EPHA10: variants seen among roughly 807,000 people sequenced by gnomAD.
EPHA10 encodes EPH receptor A10, also known as ephrin type-A receptor 10.
A neutral mutation model predicts 109.7 loss-of-function variants in EPHA10; 120 were observed. The ratio of observed to expected loss-of-function variants is 1.09; its 90% CI spans 0.94 to 1.27. The LOEUF is 1.27. Ranked by LOEUF, EPHA10 falls within the 50% of genes most tolerant of loss-of-function variation. The pLI is 0.00. For synonymous variants in EPHA10, 640 were observed against 618.9 expected (o/e 1.03, Z -0.51); for missense variants, 1,396 against 1,411.1 (o/e 0.99, Z 0.17).
intron 5 of EPHA10, among the ~76,000 whole-genome samples, chr1:37,742,827 C>T (rs916849597): frequency 2.6e-5 from 4 of 151,796 alleles, no homozygotes; most frequent in Non-Finnish European, 5.9e-5. Context: ...CTCTACAAAA[C>T]AATTTAAAAA....
At chr1:37,755,936 C>T (rs555792522) in intron 3 of EPHA10, among the ~76,000 whole-genome samples, 2 of 152,274 alleles carry the variant, frequency 1.3e-5, no homozygotes, top group African/African-American at 4.8e-5. Context: ...AGAAAGGGTG[C>T]AGACTAGCCC....
intron 3 of EPHA10, among the ~76,000 whole-genome samples, chr1:37,758,128 G>T (rs188821946): frequency 6.6e-6 from 1 of 152,144 alleles, no homozygotes; most frequent in Non-Finnish European, 1.5e-5. Flanking sequence ...AAACTATAGA[G>T]TATGTAAAAA....
chr1:37,764,882 C>G lies in EPHA10; in HGVS notation c.106+79G>C. 1 of 1,320,506 alleles carries G rather than the reference C, an allele frequency of 7.6e-7. No homozygotes were observed. Among genetic ancestry groups the G allele is most frequent in the Non-Finnish European group, 1.1e-6 (1 of 952,284 alleles). The allele number at this position is 1,320,506 out of a possible 1,614,324, so 81.8% of individuals were successfully genotyped here. A position where few individuals can be genotyped will look rare whatever the true frequency, so the allele number is the denominator to read the frequency against. ...ACAGACTCTAGTCTCTCCAATGACTCCTTCCCCCAGAACCCCCATCGCCAG... is the reference window on the plus strand; with the variant it reads ...ACAGACTCTAGTCTCTCCAATGACTGCTTCCCCCAGAACCCCCATCGCCAG... On this transcript the variant is annotated intron_variant, in intron 1 of 16. Coordinates refer to ENST00000373048, the MANE Select transcript of EPHA10 (RefSeq NM_001099439.2). The surrounding 1 kb of genome is among the most constrained non-coding windows in gnomAD (Gnocchi z 5.8).
chr1:37,731,697 A>G, intron 6 of EPHA10, 115 bp from the exon 7 acceptor site: 1 of 1,220,596 alleles, frequency 8.2e-7, no homozygotes. Flanking sequence ...ATGTGGGCTG[A>G]GTGCGAAAAC....
chr1:37,748,983 C>T (rs1457610346), intron 5 of EPHA10, among the ~76,000 whole-genome samples: 3 of 136,402 alleles, frequency 2.2e-5, no homozygotes, highest in African/African-American at 8.3e-5. Flanking sequence ...AGTGCAGTGG[C>T]ACGATCTCAG....
intron 6 of EPHA10, among the ~76,000 whole-genome samples, chr1:37,733,449 C>T (rs1646022092): frequency 6.6e-6 from 1 of 152,150 alleles, no homozygotes; most frequent in Admixed American, 6.5e-5. Context: ...GAACTCCTGG[C>T]CTCAAGCCGT....
Position 37,761,088 on chromosome 1 carries a change from TTA to T in EPHA10, c.850+315_850+316del, listed in dbSNP as rs1491337550. Reference sequence around the variant, plus strand: ...AACAGAGCAAGAGAGACTCCTTATTTTAAAAAAAAAAAAAAACAATGACTTCC... The same window carrying T: ...AACAGAGCAAGAGAGACTCCTTATTTAAAAAAAAAAAAAACAATGACTTCC... On this transcript the variant is annotated intron_variant, in intron 3 of 16. Transcript: ENST00000373048. The T allele has an allele frequency of 2.8e-3, 2,612 of 946,306 alleles. 2 individuals carry two copies. The highest frequency in any genetic ancestry group is 0.016 in the East Asian group (329 of 19,990). The allele number at this position is 946,306 out of a possible 1,614,324, so 58.6% of individuals were successfully genotyped here. A position where few individuals can be genotyped will look rare whatever the true frequency, so the allele number is the denominator to read the frequency against.
At chr1:37,758,225 C>G (rs1047387876) in intron 3 of EPHA10, among the ~76,000 whole-genome samples, 10 of 152,182 alleles carry the variant, frequency 6.6e-5, no homozygotes, top group African/African-American at 1.2e-4. Flanking sequence ...ATAAAATACT[C>G]CTGCCTCCTG....
At chr1:37,760,590 G>T in intron 3 of EPHA10, 1 of 318,548 alleles carries the variant, frequency 3.1e-6, no homozygotes, top group Non-Finnish European at 5.0e-6. Flanking sequence ...ATTCCTCTCT[G>T]TAATGCAACC....
At chr1:37,749,069 T>G (rs1236101923) in intron 5 of EPHA10, among the ~76,000 whole-genome samples, 2 of 151,736 alleles carry the variant, frequency 1.3e-5, no homozygotes, top group African/African-American at 2.4e-5. Context: ...ATTACAGGTG[T>G]GCACCACCAC....
intron 5 of EPHA10, among the ~76,000 whole-genome samples, chr1:37,749,717 T>C (rs565323773): frequency 4.3e-4 from 66 of 152,186 alleles, no homozygotes; most frequent in African/African-American, 1.3e-3. Flanking sequence ...AGATAAAAGT[T>C]AGTATTACAT....
chr1:37,722,614 T>C (rs72915998), intron 10 of EPHA10, among the ~76,000 whole-genome samples: 2 of 152,188 alleles, frequency 1.3e-5, no homozygotes, highest in Non-Finnish European at 2.9e-5. Context: ...GCAGATATCA[T>C]GCCCATTTCT....
At chr1:37,746,137 G>A (rs1018499047) in intron 5 of EPHA10, among the ~76,000 whole-genome samples, 4 of 112,548 alleles carry the variant, frequency 3.6e-5, no homozygotes, top group Non-Finnish European at 7.0e-5. Context: ...TTTCGCTCTT[G>A]TTGCCCATGT....
intron 8 of EPHA10, among the ~76,000 whole-genome samples, chr1:37,725,538 C>T (rs1031474777): frequency 7.3e-6 from 1 of 137,456 alleles, no homozygotes; most frequent in African/African-American, 2.8e-5. Flanking sequence ...AAAGAAGTAA[C>T]GAGGTGAAGC....
At chr1:37,739,678 G>A (rs1348662658) in intron 5 of EPHA10, among the ~76,000 whole-genome samples, 3 of 111,450 alleles carry the variant, frequency 2.7e-5, no homozygotes, top group Admixed American at 1.2e-4. Flanking sequence ...GATAGAGTGA[G>A]ACCCTGTCTC....
intron 14 of EPHA10, 69 bp downstream of exon 14, chr1:37,719,840 G>A: frequency 6.2e-7 from 1 of 1,611,112 alleles, no homozygotes; most frequent in Non-Finnish European, 8.5e-7. Context: ...CCAACGGGCA[G>A]AGGTCAGGAA....
intron 5 of EPHA10, among the ~76,000 whole-genome samples, chr1:37,736,391 A>G (rs1323581763): frequency 1.4e-5 from 2 of 146,860 alleles, no homozygotes; most frequent in South Asian, 2.2e-4. Flanking sequence ...GAAGAAGATC[A>G]GTTGAACCCG....
rs746947009 is a variant in EPHA10, at chr1:37,727,136, C to G, written c.1738G>C (p.Gly580Arg). The G allele has an allele frequency of 1.2e-6, 2 of 1,612,670 alleles. No homozygotes were observed. The highest frequency in any genetic ancestry group is 1.7e-6 in the Non-Finnish European group (2 of 1,179,390). Residue 580 changes from glycine to arginine, a missense_variant, in exon 8 of 17, where the codon GGC (glycine) becomes CGC (arginine). Coordinates refer to ENST00000373048, the MANE Select transcript of EPHA10 (RefSeq NM_001099439.2). ...ATGGCCAGCACACTCATCACGGAGC[C>G]CAGGACGAGGAGGGCCGAGATGGTC... Reference protein sequence around the residue: ...VVTISALLVLGSVMSVLAIWR... With the variant: ...VVTISALLVLRSVMSVLAIWR...
intron 14 of EPHA10, 138 bp from the exon 15 acceptor site, chr1:37,719,745 C>T (rs1645757179): frequency 1.1e-5 from 15 of 1,419,476 alleles, no homozygotes; most frequent in East Asian, 4.7e-5. Flanking sequence ...CACACACACA[C>T]ACCCAAGGAA....
Sources: gnomAD v4.1 joint callset for allele counts (sites outside exome capture counted in the v4.1 genomes callset) on GRCh38, gnomAD v4.1.1 for gene constraint, Gnocchi (gnomAD v3.1) non-coding constraint, MANE v1.5 for transcripts, NCBI Gene and HGNC (gene_info 2026-07-23, HGNC 2026-07-21) for gene names.